ZNF408: variants seen among roughly 807,000 people sequenced by gnomAD.
ZNF408 encodes the protein PR domain zinc finger protein 17.
ZNF408 carries 24 observed loss-of-function variants against 27.6 expected under a neutral mutation model. The ratio of observed to expected loss-of-function variants is 0.87; its 90% confidence interval spans 0.63 to 1.22. The LOEUF (loss-of-function observed/expected upper bound fraction) is 1.22. ZNF408 is among the 50% of genes most tolerant of loss of function. The probability of loss-of-function intolerance (pLI) is 0.00; values close to 1 mark genes in which losing one functional copy is unlikely to be tolerated. For missense variants in ZNF408, 897 were observed against 949.0 expected, an observed-to-expected ratio of 0.95 and a Z score of 0.72; for synonymous variants, 410 against 396.1, an observed-to-expected ratio of 1.04 and a Z score of -0.42.
chr11:46,703,034 G>C lies in ZNF408; in HGVS notation c.443G>C (p.Arg148Pro). The stretch of plus-strand genomic sequence containing the variant: ...AGTGAGGGAAATGTGGCCCCAGTGC[G>C]GATCAGCGAGAGGCTTCATCTGCAA... ...LESEGNVAPV[R>P]ISERLHLQVY... The change falls in exon 4 of 5, where the codon CGG becomes CCG. Residue 148 changes from arginine to proline, a missense_variant. Arg to Pro is a moderately radical substitution (Grantham distance 103). Coordinates refer to ENST00000311764, the MANE Select transcript of ZNF408 (RefSeq NM_024741.3). 2 of 1,613,986 alleles carry C rather than the reference G, an allele frequency of 1.2e-6. No individual in the cohort carries two copies. Among genetic ancestry groups the C allele is most frequent in the Non-Finnish European group, 1.7e-6 (2 of 1,179,890 alleles).
At position 46,705,273 on chromosome 11, in the gene ZNF408, C is replaced by T. The variant is rs775749234; in HGVS notation, c.1573C>T (p.Arg525Cys). Residue 525 changes from arginine to cysteine, a missense_variant, in exon 5 of 5, where the codon CGC (arginine) becomes TGC (cysteine). Physicochemically the swap from Arg to Cys is radical, Grantham distance 180 (BLOSUM62 -3). Coordinates refer to ENST00000311764, the MANE Select transcript of ZNF408 (RefSeq NM_024741.3). The surrounding 1 kb of genome is among the most constrained non-coding windows in gnomAD (Gnocchi z 6.5). ...LRLHTGERPY[R>C]CPHCADAFPQ... ...GCTCCACACCGGGGAGCGTCCTTAC[C>T]GCTGCCCACACTGTGCCGATGCCTT... is the stretch of plus-strand genomic sequence containing the variant. The T allele has an allele frequency of 1.6e-5, 25 of 1,612,144 alleles. No individual in the cohort carries two copies. The highest frequency in any genetic ancestry group is 8.0e-5 in the African/African-American group (6 of 74,944).
In ZNF408 at chr11:46,701,970, T is replaced by C. The variant is rs1335941223; in HGVS notation, c.330+294T>C. On this transcript the variant is annotated intron_variant, in intron 2 of 4. Transcript: ENST00000311764. ...AATTCCAGCTTTGTCACCTAGCTGGTTAAATTACGTGCCGCATTTAATTCA... is the reference window on the plus strand; with the variant it reads ...AATTCCAGCTTTGTCACCTAGCTGGCTAAATTACGTGCCGCATTTAATTCA... 1.3e-5 allele frequency: 4 copies of C among 301,482 alleles called. No individual in the cohort carries two copies. In the Admixed American group the frequency reaches 1.4e-4, roughly 11 times the overall value. The allele number at this position is 301,482 out of a possible 1,614,324, so 18.7% of individuals were successfully genotyped here.
At chr11:46,703,707 GC>G (rs1283805397) in intron 4 of ZNF408, among the ~76,000 whole-genome samples, 2 of 151,562 alleles carry the variant, frequency 1.3e-5, no homozygotes, top group Non-Finnish European at 2.9e-5. Context: ...TTACAGATGA[GC>G]TAAGGTGGGA....
At chr11:46,703,292 A>G in intron 4 of ZNF408, 49 bp downstream of exon 4, 1 of 1,569,160 alleles carries the variant, frequency 6.4e-7, no homozygotes, top group South Asian at 1.2e-5. Context: ...CCACCAAAAC[A>G]ACCTGTTGAT....
chr11:46,704,849 C>T lies in ZNF408; in HGVS notation c.1149C>T (p.Cys383=). The T allele has an allele frequency of 1.2e-6, 2 of 1,602,058 alleles. No homozygotes were observed. Among genetic ancestry groups the T allele is most frequent in the South Asian group, 2.2e-5 (2 of 89,772 alleles). Residue 383 remains cysteine, a synonymous_variant, in exon 5 of 5, where the codon TGC becomes TGT. Coordinates refer to ENST00000311764, the MANE Select transcript of ZNF408 (RefSeq NM_024741.3). ...FVHTGHKPFL[C]TECGKSYSSE... ...ACACGGGCCACAAGCCCTTTCTTTGCACTGAGTGTGGCAAGAGCTATAGCT... is the reference window on the plus strand; with the variant it reads ...ACACGGGCCACAAGCCCTTTCTTTGTACTGAGTGTGGCAAGAGCTATAGCT...
At chr11:46,701,326 G>T in intron 1 of ZNF408, 73 bp from the exon 2 acceptor site, 1 of 1,584,942 alleles carries the variant, frequency 6.3e-7, no homozygotes, top group Non-Finnish European at 8.6e-7. Context: ...TGGACCTGCG[G>T]TTTCCTCCCA....
chr11:46,702,762 C>T lies in ZNF408; in HGVS notation c.389C>T (p.Thr130Ile), dbSNP rs751580055. Residue 130 changes from threonine to isoleucine, a missense_variant, in exon 3 of 5, where the codon ACT (threonine) becomes ATT (isoleucine). Transcript: ENST00000311764. Reference sequence around the variant, plus strand: ...GCCTGTGAGCAGAGTTCTGGCTGGACTAGGTAAGTCAGAGGAGAGTGTGTC... The same window carrying T: ...GCCTGTGAGCAGAGTTCTGGCTGGATTAGGTAAGTCAGAGGAGAGTGTGTC... ...VCACEQSSGW[T>I]SLVQRGRLES... 89 of 1,614,026 alleles carry T rather than the reference C, an allele frequency of 5.5e-5. No individual in the cohort carries two copies. Among genetic ancestry groups the T allele is most frequent in the Non-Finnish European group, 1.2e-5 (14 of 1,180,014 alleles).
Position 46,705,128 on chromosome 11 carries a change from C to T in ZNF408, c.1428C>T (p.Pro476=), listed in dbSNP as rs1423639989. 3 of 1,611,568 alleles carry T rather than the reference C, an allele frequency of 1.9e-6. No homozygotes were observed. The highest frequency in any genetic ancestry group is 2.5e-6 in the Non-Finnish European group (3 of 1,179,938). The change falls in exon 5 of 5, where the codon CCC becomes CCT. Residue 476 remains proline, a synonymous_variant. Coordinates refer to ENST00000311764, the MANE Select transcript of ZNF408 (RefSeq NM_024741.3). The surrounding 1 kb of genome is among the most constrained non-coding windows in gnomAD (Gnocchi z 6.5). ...APCPCPVCGR[P]LANQGSLRNH... is the part of the protein sequence containing the mutation. ...GCCCATGCCCTGTGTGTGGGCGGCC[C>T]CTGGCCAACCAGGGCTCCCTGCGGA... is the stretch of plus-strand genomic sequence containing the variant.
At position 46,703,201 on chromosome 11, in the gene ZNF408, G is replaced by A. The variant is rs778253784; in HGVS notation, c.610G>A (p.Glu204Lys). The A allele has an allele frequency of 1.2e-6, 2 of 1,613,730 alleles. No individual in the cohort carries two copies. Among genetic ancestry groups the A allele is most frequent in the Admixed American group, 1.7e-5 (1 of 59,856 alleles). The change falls in exon 4 of 5, where the codon GAA becomes AAA. Residue 204 changes from glutamate to lysine, a missense_variant. Glu to Lys is a moderately conservative substitution (Grantham distance 56, BLOSUM62 1). Coordinates refer to ENST00000311764, the MANE Select transcript of ZNF408 (RefSeq NM_024741.3). ...AGAAGTGGAGTCTGCTGTACAGCAGGAAGTGGCCTCCCCTGGGGAGGATGC... is the reference window on the plus strand; with the variant it reads ...AGAAGTGGAGTCTGCTGTACAGCAGAAAGTGGCCTCCCCTGGGGAGGATGC... ...VTEVESAVQQ[E>K]VASPGEDAAE...
Position 46,705,470 on chromosome 11 carries a change from G to A in ZNF408, c.1770G>A (p.Leu590=). ...CCCAGTGTGGCCGTGCTTACACGCT[G>A]GCCACCAAGCTGCGGCGCCACCTCA... ...PCPQCGRAYT[L]ATKLRRHLKS... The change falls in exon 5 of 5, where the codon CTG becomes CTA. Residue 590 remains leucine (L), a synonymous_variant. Coordinates refer to ENST00000311764, the MANE Select transcript of ZNF408 (RefSeq NM_024741.3). The surrounding 1 kb of genome is among the most constrained non-coding windows in gnomAD (Gnocchi z 6.5). The A allele has an allele frequency of 1.2e-6, 2 of 1,607,304 alleles. No individual in the cohort carries two copies. Among genetic ancestry groups the A allele is most frequent in the Non-Finnish European group, 1.7e-6 (2 of 1,179,960 alleles).
Position 46,705,283 on chromosome 11 carries a change from A to G in ZNF408, c.1583A>G (p.His528Arg), listed in dbSNP as rs762247768. 6 of 1,611,968 alleles carry G rather than the reference A, an allele frequency of 3.7e-6. No individual in the cohort carries two copies. The highest frequency in any genetic ancestry group is 1.7e-5 in the Admixed American group (1 of 59,984). The change falls in exon 5 of 5, where the codon CAC becomes CGC. Residue 528 changes from histidine (H) to arginine (R), a missense_variant. Coordinates refer to ENST00000311764, the MANE Select transcript of ZNF408 (RefSeq NM_024741.3). The surrounding 1 kb of genome is among the most constrained non-coding windows in gnomAD (Gnocchi z 6.5). ...GGGGAGCGTCCTTACCGCTGCCCACACTGTGCCGATGCCTTCCCCCAGCTG... is the reference window on the plus strand; with the variant it reads ...GGGGAGCGTCCTTACCGCTGCCCACGCTGTGCCGATGCCTTCCCCCAGCTG... The part of the protein sequence containing the change: ...HTGERPYRCP[H>R]CADAFPQLPE...
chr11:46,705,759 GTGGT>G lies in ZNF408; in HGVS notation c.2060_2063del (p.Val687GlyfsTer13). 6.2e-7 allele frequency: 1 copy of G among 1,611,452 alleles called. No homozygotes were observed. Among genetic ancestry groups the G allele is most frequent in the Non-Finnish European group, 8.5e-7 (1 of 1,178,938 alleles). ...TTCAGAAAGCCAGGAGAAGTGCTTTGTGGTGCCAGAGGAGCCAGATGCCGCCCCC... is the reference window on the plus strand; with the variant it reads ...TTCAGAAAGCCAGGAGAAGTGCTTTGGCCAGAGGAGCCAGATGCCGCCCCC... On this transcript the variant is annotated frameshift_variant, in exon 5 of 5. Coordinates refer to ENST00000311764, the MANE Select transcript of ZNF408 (RefSeq NM_024741.3). LOFTEE classifies it low-confidence loss of function (END_TRUNC). The surrounding 1 kb of genome is among the most constrained non-coding windows in gnomAD (Gnocchi z 6.5).
rs1214598630 is a variant in ZNF408, at chr11:46,701,224, C to G, written c.52+125C>G. On this transcript the variant is annotated intron_variant, in intron 1 of 4. Transcript: ENST00000311764. Reference sequence around the variant, plus strand: ...GGATCCTCCAGTGCCCTCAGAGTCGCTGGGGGCTTCTGAAGAGCCCTTGAG... The same window carrying G: ...GGATCCTCCAGTGCCCTCAGAGTCGGTGGGGGCTTCTGAAGAGCCCTTGAG... The G allele has an allele frequency of 5.1e-6, 8 of 1,576,212 alleles. No individual in the cohort carries two copies. In the South Asian group the frequency reaches 8.9e-5, roughly 18 times the overall value.
rs2134507567 is a variant in ZNF408, at chr11:46,703,052, A to G, written c.461A>G (p.His154Arg). Residue 154 changes from histidine to arginine, a missense_variant, in exon 4 of 5, where the codon CAT (histidine) becomes CGT (arginine). Physicochemically the swap from His to Arg is conservative, Grantham distance 29 (BLOSUM62 0). Coordinates refer to ENST00000311764, the MANE Select transcript of ZNF408 (RefSeq NM_024741.3). ...VAPVRISERLHLQVYQLVLPG... is the reference protein window; with the variant it reads ...VAPVRISERLRLQVYQLVLPG... Reference sequence around the variant, plus strand: ...CCAGTGCGGATCAGCGAGAGGCTTCATCTGCAAGTGTACCAGCTGGTGCTG... The same window carrying G: ...CCAGTGCGGATCAGCGAGAGGCTTCGTCTGCAAGTGTACCAGCTGGTGCTG... The G allele has an allele frequency of 6.2e-7, 1 of 1,614,020 alleles. No homozygotes were observed. Among genetic ancestry groups the G allele is most frequent in the Non-Finnish European group, 8.5e-7 (1 of 1,179,922 alleles).
In ZNF408 at chr11:46,705,038, TG is replaced by T; in HGVS notation, c.1339del (p.Ala447ProfsTer41). The T allele has an allele frequency of 6.2e-7, 1 of 1,612,904 alleles. No homozygotes were observed. ...CTTGTGACCAGTGTGGCAAGGCCTT[TG>T]CCCGCCGGCCCTCCCTGCGGCTGCA... ...FACDQCGKAF[A>X]RRPSLRLHRK... is the part of the protein sequence containing the mutation. On this transcript the variant is annotated frameshift_variant, in exon 5 of 5. Transcript: ENST00000311764. LOFTEE classifies it low-confidence loss of function (END_TRUNC). This position sits in a 1 kb window ranked among gnomAD's most constrained non-coding sequence, Gnocchi z 6.5.
chr11:46,704,320 C>T (rs2064733372), intron 4 of ZNF408, 33 bp from the exon 5 acceptor site: 1 of 1,551,402 alleles, frequency 6.4e-7, no homozygotes, highest in Non-Finnish European at 8.7e-7. Context: ...CATTGAAGCT[C>T]CCTAAACCCA....
Position 46,702,976 on chromosome 11 carries a change from C to G in ZNF408, c.393-8C>G. On this transcript the variant is annotated splice_region_variant and splice_polypyrimidine_tract_variant and intron_variant, in intron 3 of 4. Transcript: ENST00000311764. Reference sequence around the variant, plus strand: ...CATCTCCTAGCTGGCTGTTACTTTGCTTTGCAGCTTGGTACAACGGGGCAG... The same window carrying G: ...CATCTCCTAGCTGGCTGTTACTTTGGTTTGCAGCTTGGTACAACGGGGCAG... 1 of 1,613,654 alleles carries G rather than the reference C, an allele frequency of 6.2e-7. No individual in the cohort carries two copies. The highest frequency in any genetic ancestry group is 8.5e-7 in the Non-Finnish European group (1 of 1,179,620).
chr11:46,701,161 G>A (rs773021571), intron 1 of ZNF408, 62 bp downstream of exon 1: 1 of 1,613,298 alleles, frequency 6.2e-7, no homozygotes, highest in South Asian at 1.1e-5. Context: ...ACGCTCTGTG[G>A]TCAGCTTTCT....
intron 2 of ZNF408, among the ~76,000 whole-genome samples, chr11:46,702,101 T>C (rs1243213924): frequency 1.3e-5 from 2 of 152,214 alleles, no homozygotes; most frequent in Non-Finnish European, 2.9e-5. Flanking sequence ...ATTTTATTTA[T>C]TTTTCTTTTT....
Sources: gnomAD v4.1 joint callset for allele counts (sites outside exome capture counted in the v4.1 genomes callset) on GRCh38, gnomAD v4.1.1 for gene constraint, Gnocchi (gnomAD v3.1) non-coding constraint, MANE v1.5 for transcripts, NCBI Gene and HGNC (gene_info 2026-07-23, HGNC 2026-07-21) for gene names.